Variants in OR13C8 observed in about 807,000 individuals in gnomAD.
OR13C8 encodes the protein olfactory receptor 13C8.
For synonymous variants in OR13C8, 149 were observed against 143.6 expected (o/e 1.04, Z -0.27); for missense variants, 382 against 388.1 (o/e 0.98, Z 0.13).
Position 104,569,739 on chromosome 9 carries a change from A to C in OR13C8, c.572A>C (p.Asp191Ala). Residue 191 changes from aspartate to alanine, a missense_variant, in exon 1 of 1, where the codon GAT (aspartate) becomes GCT (alanine). Coordinates refer to ENST00000335040, the MANE Select transcript of OR13C8 (RefSeq NM_001004483.1). ...ILAILKLACA[D>A]ISINVISMTG... ...GCTATCTTGAAACTGGCCTGTGCTG[A>C]TATTTCAATCAATGTGATTAGTATG... is the stretch of plus-strand genomic sequence containing the variant. 1 of 1,614,174 alleles carries C rather than the reference A, an allele frequency of 6.2e-7. No homozygotes were observed. The highest frequency in any genetic ancestry group is 8.5e-7 in the Non-Finnish European group (1 of 1,180,026).
In OR13C8 at chr9:104,569,906, G is replaced by C; in HGVS notation, c.739G>C (p.Val247Leu). The change falls in exon 1 of 1, where the codon GTG becomes CTG. Residue 247 changes from valine to leucine, a missense_variant. Coordinates refer to ENST00000335040, the MANE Select transcript of OR13C8 (RefSeq NM_001004483.1). The stretch of plus-strand genomic sequence containing the variant: ...CTCCACCTGCTCAGCCCACCTGACA[G>C]TGGTGATTATATTCTATGGAACCAT... ...AFSTCSAHLTVVIIFYGTIFF... is the reference protein window; with the variant it reads ...AFSTCSAHLTLVIIFYGTIFF... 6.2e-7 allele frequency: 1 copy of C among 1,614,206 alleles called. No homozygotes were observed. Among genetic ancestry groups the C allele is most frequent in the Non-Finnish European group, 8.5e-7 (1 of 1,180,048 alleles).
Position 104,569,280 on chromosome 9 carries a change from T to C in OR13C8, c.113T>C (p.Ile38Thr), listed in dbSNP as rs1829149174. Residue 38 changes from isoleucine to threonine, a missense_variant, in exon 1 of 1, where the codon ATC (isoleucine) becomes ACC (threonine). Physicochemically the swap from Ile to Thr is moderately conservative, Grantham distance 89. Transcript: ENST00000335040. ...FVLILWMYLM[I>T]LLGNGVLISV... ...CTAATTTTGTGGATGTACCTGATGA[T>C]CCTGCTTGGAAATGGAGTCCTTATC... is the stretch of plus-strand genomic sequence containing the variant. The C allele has an allele frequency of 6.2e-7, 1 of 1,614,078 alleles. No individual in the cohort carries two copies. Among genetic ancestry groups the C allele is most frequent in the South Asian group, 1.1e-5 (1 of 91,088 alleles).
chr9:104,569,284 G>C lies in OR13C8; in HGVS notation c.117G>C (p.Leu39=). 1 of 1,614,140 alleles carries C rather than the reference G, an allele frequency of 6.2e-7. No homozygotes were observed. Among genetic ancestry groups the C allele is most frequent in the Non-Finnish European group, 8.5e-7 (1 of 1,180,022 alleles). ...VLILWMYLMI[L]LGNGVLISVI... is the part of the protein sequence containing the mutation. Reference sequence around the variant, plus strand: ...TTTTGTGGATGTACCTGATGATCCTGCTTGGAAATGGAGTCCTTATCTCAG... The same window carrying C: ...TTTTGTGGATGTACCTGATGATCCTCCTTGGAAATGGAGTCCTTATCTCAG... Residue 39 remains leucine (L), a synonymous_variant, in exon 1 of 1, where the codon CTG becomes CTC. Transcript: ENST00000335040.
rs768977691 is a variant in OR13C8 at position 104,569,664 on chromosome 9, T to A, written c.497T>A (p.Leu166Ter). The A allele has an allele frequency of 3.0e-5, 49 of 1,614,040 alleles. No individual in the cohort carries two copies. Among genetic ancestry groups the A allele is most frequent in the Non-Finnish European group, 3.7e-5 (44 of 1,180,042 alleles). The change falls in exon 1 of 1, where the codon TTA becomes TAA. Residue 166 changes from leucine (L) to a stop codon, truncating the protein, a stop_gained. Transcript: ENST00000335040. LOFTEE classifies it low-confidence loss of function (END_TRUNC). ...GTGCAGACAGCTTTTGCAATGCAGT[T>A]ACCATTCTGTGCTAATAATGTCATT... ...SVVQTAFAMQ[L>*]PFCANNVIKH...
Position 104,569,518 on chromosome 9 carries a change from G to C in OR13C8, c.351G>C (p.Thr117=), listed in dbSNP as rs140558238. 1 of 1,614,026 alleles carries C rather than the reference G, an allele frequency of 6.2e-7. No individual in the cohort carries two copies. Among genetic ancestry groups the C allele is most frequent in the Non-Finnish European group, 8.5e-7 (1 of 1,180,040 alleles). ...MGATECMILG[T]MALDRYVAIC... ...CCACGGAGTGCATGATCTTAGGCAC[G>C]ATGGCACTGGACCGCTATGTGGCCA... Residue 117 remains threonine (T), a synonymous_variant, in exon 1 of 1, where the codon ACG becomes ACC. Coordinates refer to ENST00000335040, the MANE Select transcript of OR13C8 (RefSeq NM_001004483.1).
In OR13C8 at chr9:104,570,093, A is replaced by G. The variant is rs1474651757; in HGVS notation, c.926A>G (p.Asn309Ser). ...RNKDVKAAVKNILCRKNFSDG... is the reference protein window; with the variant it reads ...RNKDVKAAVKSILCRKNFSDG... ...AAGGATGTAAAGGCTGCTGTCAAAA[A>G]CATACTGTGTAGGAAAAACTTTTCT... Residue 309 changes from asparagine (N) to serine (S), a missense_variant, in exon 1 of 1, where the codon AAC becomes AGC. By Grantham distance (46) the Asn-to-Ser change is conservative. Transcript: ENST00000335040. 1.9e-6 allele frequency: 3 copies of G among 1,609,150 alleles called. No individual in the cohort carries two copies. Among genetic ancestry groups the G allele is most frequent in the Admixed American group, 3.4e-5 (2 of 59,682 alleles).
In OR13C8 at chr9:104,569,206, C is replaced by T. The variant is rs758343445; in HGVS notation, c.39C>T (p.Phe13=). 2 of 1,613,408 alleles carry T rather than the reference C, an allele frequency of 1.2e-6. No individual in the cohort carries two copies. Among genetic ancestry groups the T allele is most frequent in the African/African-American group, 1.3e-5 (1 of 74,830 alleles). The change falls in exon 1 of 1, where the codon TTC becomes TTT. Residue 13 remains phenylalanine (F), a synonymous_variant. Transcript: ENST00000335040. ...ACGATTCCACGTCGACAGAATTTTT[C>T]CTGGTAGGGCTTTCTGCCCACCCAA... ...RTNDSTSTEF[F]LVGLSAHPKL... is the part of the protein sequence containing the mutation.
At position 104,569,292 on chromosome 9, in the gene OR13C8, A is replaced by T. The variant is rs1480547909; in HGVS notation, c.125A>T (p.Asn42Ile). Residue 42 changes from asparagine to isoleucine, a missense_variant, in exon 1 of 1, where the codon AAT becomes ATT. Asn to Ile is a moderately radical substitution (Grantham distance 149). Transcript: ENST00000335040. ...LWMYLMILLGNGVLISVIIFD... is the reference protein window; with the variant it reads ...LWMYLMILLGIGVLISVIIFD... Reference sequence around the variant, plus strand: ...ATGTACCTGATGATCCTGCTTGGAAATGGAGTCCTTATCTCAGTTATCATC... The same window carrying T: ...ATGTACCTGATGATCCTGCTTGGAATTGGAGTCCTTATCTCAGTTATCATC... 1.9e-6 allele frequency: 3 copies of T among 1,614,018 alleles called. No individual in the cohort carries two copies. Among genetic ancestry groups the T allele is most frequent in the Non-Finnish European group, 2.5e-6 (3 of 1,180,024 alleles).
chr9:104,569,464 G>A lies in OR13C8; in HGVS notation c.297G>A (p.Val99=), dbSNP rs543122936. Residue 99 remains valine, a synonymous_variant, in exon 1 of 1, where the codon GTG becomes GTA. Transcript: ENST00000335040. Reference sequence around the variant, plus strand: ...AGGTTTCCTTCTCTGGGTGTATGGTGCAAATGTTTATTTCTTTTGCCATGG... The same window carrying A: ...AGGTTTCCTTCTCTGGGTGTATGGTACAAATGTTTATTTCTTTTGCCATGG... ...KKKVSFSGCM[V]QMFISFAMGA... 7 of 1,614,176 alleles carry A rather than the reference G, an allele frequency of 4.3e-6. No homozygotes were observed. The East Asian group carries it at 6.7e-5, about 15-fold the overall frequency.
chr9:104,569,501 T>C lies in OR13C8; in HGVS notation c.334T>C (p.Cys112Arg). The C allele has an allele frequency of 6.2e-7, 1 of 1,614,048 alleles. No individual in the cohort carries two copies. The highest frequency in any genetic ancestry group is 1.7e-5 in the Admixed American group (1 of 60,002). The change falls in exon 1 of 1, where the codon TGC becomes CGC. Residue 112 changes from cysteine to arginine, a missense_variant. Cys to Arg is a radical substitution (Grantham distance 180). Transcript: ENST00000335040. Reference sequence around the variant, plus strand: ...TTCTTTTGCCATGGGGGCCACGGAGTGCATGATCTTAGGCACGATGGCACT... The same window carrying C: ...TTCTTTTGCCATGGGGGCCACGGAGCGCATGATCTTAGGCACGATGGCACT... ...FISFAMGATE[C>R]MILGTMALDR...
At position 104,569,287 on chromosome 9, in the gene OR13C8, T is replaced by C; in HGVS notation, c.120T>C (p.Leu40=). The C allele has an allele frequency of 6.2e-7, 1 of 1,614,206 alleles. No homozygotes were observed. The highest frequency in any genetic ancestry group is 8.5e-7 in the Non-Finnish European group (1 of 1,180,046). ...TGTGGATGTACCTGATGATCCTGCTTGGAAATGGAGTCCTTATCTCAGTTA... is the reference window on the plus strand; with the variant it reads ...TGTGGATGTACCTGATGATCCTGCTCGGAAATGGAGTCCTTATCTCAGTTA... ...LILWMYLMIL[L]GNGVLISVII... The change falls in exon 1 of 1, where the codon CTT becomes CTC. Residue 40 remains leucine, a synonymous_variant. Coordinates refer to ENST00000335040, the MANE Select transcript of OR13C8 (RefSeq NM_001004483.1).
chr9:104,569,651 T>C lies in OR13C8; in HGVS notation c.484T>C (p.Phe162Leu), dbSNP rs2118484343. The change falls in exon 1 of 1, where the codon TTT becomes CTT. Residue 162 changes from phenylalanine to leucine, a missense_variant. By Grantham distance (22) the Phe-to-Leu change is conservative (BLOSUM62 0). Coordinates refer to ENST00000335040, the MANE Select transcript of OR13C8 (RefSeq NM_001004483.1). ...GLVDSVVQTA[F>L]AMQLPFCANN... ...TGTGGACTCAGTAGTGCAGACAGCT[T>C]TTGCAATGCAGTTACCATTCTGTGC... 1.9e-6 allele frequency: 3 copies of C among 1,614,110 alleles called. No homozygotes were observed. The highest frequency in any genetic ancestry group is 2.5e-6 in the Non-Finnish European group (3 of 1,180,026).
In OR13C8 at chr9:104,570,012, T is replaced by G. The variant is rs1396242218; in HGVS notation, c.845T>G (p.Leu282Arg). 6.2e-7 allele frequency: 1 copy of G among 1,614,144 alleles called. No homozygotes were observed. The highest frequency in any genetic ancestry group is 8.5e-7 in the Non-Finnish European group (1 of 1,180,014). ...NEDIIEALIS[L>R]FYGVMTPMLN... The stretch of plus-strand genomic sequence containing the variant: ...GACATCATTGAGGCCCTCATCTCCC[T>G]TTTCTATGGAGTGATGACTCCCATG... Residue 282 changes from leucine to arginine, a missense_variant, in exon 1 of 1, where the codon CTT (leucine) becomes CGT (arginine). By Grantham distance (102) the Leu-to-Arg change is moderately radical. Transcript: ENST00000335040.
chr9:104,569,461 G>A lies in OR13C8; in HGVS notation c.294G>A (p.Met98Ile), dbSNP rs575094153. 2 of 1,614,160 alleles carry A rather than the reference G, an allele frequency of 1.2e-6. No individual in the cohort carries two copies. The highest frequency in any genetic ancestry group is 1.7e-6 in the Non-Finnish European group (2 of 1,180,024). Residue 98 changes from methionine to isoleucine, a missense_variant, in exon 1 of 1, where the codon ATG (methionine) becomes ATA (isoleucine). Coordinates refer to ENST00000335040, the MANE Select transcript of OR13C8 (RefSeq NM_001004483.1). Reference sequence around the variant, plus strand: ...AAAAGGTTTCCTTCTCTGGGTGTATGGTGCAAATGTTTATTTCTTTTGCCA... The same window carrying A: ...AAAAGGTTTCCTTCTCTGGGTGTATAGTGCAAATGTTTATTTCTTTTGCCA... Reference protein sequence around the residue: ...VKKKVSFSGCMVQMFISFAMG... With the variant: ...VKKKVSFSGCIVQMFISFAMG...
rs1196615109 is a variant in OR13C8, at chr9:104,569,660, C to T, written c.493C>T (p.Gln165Ter). 1.9e-6 allele frequency: 3 copies of T among 1,614,096 alleles called. No homozygotes were observed. In the Admixed American group the frequency reaches 5.0e-5, roughly 27 times the overall value. Reference sequence around the variant, plus strand: ...AGTAGTGCAGACAGCTTTTGCAATGCAGTTACCATTCTGTGCTAATAATGT... The same window carrying T: ...AGTAGTGCAGACAGCTTTTGCAATGTAGTTACCATTCTGTGCTAATAATGT... ...DSVVQTAFAM[Q>*]LPFCANNVIK... The change falls in exon 1 of 1, where the codon CAG becomes TAG. Residue 165 changes from glutamine (Q) to a stop codon, truncating the protein, a stop_gained. Transcript: ENST00000335040. LOFTEE classifies it low-confidence loss of function (END_TRUNC).
rs1829153285 is a variant in OR13C8, at chr9:104,569,564, C to T, written c.397C>T (p.Pro133Ser). 1 of 1,614,154 alleles carries T rather than the reference C, an allele frequency of 6.2e-7. No individual in the cohort carries two copies. The highest frequency in any genetic ancestry group is 1.6e-4 in the Middle Eastern group (1 of 6,062). Residue 133 changes from proline to serine, a missense_variant, in exon 1 of 1, where the codon CCT (proline) becomes TCT (serine). By Grantham distance (74) the Pro-to-Ser change is moderately conservative (BLOSUM62 -1). Coordinates refer to ENST00000335040, the MANE Select transcript of OR13C8 (RefSeq NM_001004483.1). ...YVAICYPLRY[P>S]VIMSKGAYVA... Reference sequence around the variant, plus strand: ...GGCCATCTGCTACCCACTGAGATACCCTGTCATCATGAGCAAGGGTGCCTA... The same window carrying T: ...GGCCATCTGCTACCCACTGAGATACTCTGTCATCATGAGCAAGGGTGCCTA...
chr9:104,569,484 C>T lies in OR13C8; in HGVS notation c.317C>T (p.Ala106Val). Residue 106 changes from alanine to valine, a missense_variant, in exon 1 of 1, where the codon GCC becomes GTC. Ala to Val is a moderately conservative substitution (Grantham distance 64). Coordinates refer to ENST00000335040, the MANE Select transcript of OR13C8 (RefSeq NM_001004483.1). ...GCMVQMFISF[A>V]MGATECMILG... is the part of the protein sequence containing the mutation. ...ATGGTGCAAATGTTTATTTCTTTTG[C>T]CATGGGGGCCACGGAGTGCATGATC... 6.2e-7 allele frequency: 1 copy of T among 1,614,114 alleles called. No individual in the cohort carries two copies. The highest frequency in any genetic ancestry group is 8.5e-7 in the Non-Finnish European group (1 of 1,180,014).
At position 104,569,911 on chromosome 9, in the gene OR13C8, G is replaced by T. The variant is rs771544855; in HGVS notation, c.744G>T (p.Val248=). 6 of 1,614,212 alleles carry T rather than the reference G, an allele frequency of 3.7e-6. No individual in the cohort carries two copies. In the Admixed American group the frequency reaches 8.3e-5, roughly 22 times the overall value. The stretch of plus-strand genomic sequence containing the variant: ...CCTGCTCAGCCCACCTGACAGTGGT[G>T]ATTATATTCTATGGAACCATCTTCT... The part of the protein sequence containing the change: ...FSTCSAHLTV[V]IIFYGTIFFM... The change falls in exon 1 of 1, where the codon GTG becomes GTT. Residue 248 remains valine, a synonymous_variant. Transcript: ENST00000335040.
At position 104,569,176 on chromosome 9, in the gene OR13C8, G is replaced by A. The variant is rs370298142; in HGVS notation, c.9G>A (p.Arg3=). The A allele has an allele frequency of 1.7e-5, 28 of 1,611,938 alleles. No individual in the cohort carries two copies. Among genetic ancestry groups the A allele is most frequent in the Non-Finnish European group, 2.4e-5 (28 of 1,178,882 alleles). Residue 3 remains arginine, a synonymous_variant, in exon 1 of 1, where the codon AGG becomes AGA. Coordinates refer to ENST00000335040, the MANE Select transcript of OR13C8 (RefSeq NM_001004483.1). Reference sequence around the variant, plus strand: ...AGATCAGTATATGTAATATGGAAAGGACCAACGATTCCACGTCGACAGAAT... The same window carrying A: ...AGATCAGTATATGTAATATGGAAAGAACCAACGATTCCACGTCGACAGAAT... The part of the protein sequence containing the change: ME[R]TNDSTSTEFF...
Sources: allele counts gnomAD v4.1 joint callset, GRCh38; gene constraint gnomAD v4.1.1; transcripts MANE v1.5; gene names NCBI Gene and HGNC (gene_info 2026-07-23, HGNC 2026-07-21).